RBPMS: variants seen among roughly 807,000 people sequenced by gnomAD.
RBPMS encodes RNA binding protein, mRNA processing factor.
A neutral mutation model predicts 26.8 loss-of-function variants in RBPMS; 7 were observed. The observed-to-expected ratio is 0.26, with a 90% CI of 0.15 to 0.49. The LOEUF (loss-of-function observed/expected upper bound fraction) is 0.49. RBPMS is among the 20% of genes least tolerant of loss of function. The pLI, the probability that RBPMS is intolerant of heterozygous loss-of-function variation, is 0.98. For synonymous variants in RBPMS, 96 were observed against 93.3 expected (o/e 1.03, Z -0.17); for missense variants, 186 against 250.0 (o/e 0.74, Z 1.73).
chr8:30,524,348 TTA>T (rs1823356400), intron 5 of RBPMS, among the ~76,000 whole-genome samples: 1 of 152,162 alleles, frequency 6.6e-6, no homozygotes, highest in African/African-American at 2.4e-5. Context: ...TGTATGAAGA[TTA>T]TACCAATGTA....
chr8:30,441,197 G>A lies in RBPMS; in HGVS notation c.67-33582G>A, dbSNP rs535514829. Among the ~76,000 whole-genome samples, 1,272 of 152,240 alleles carry A rather than the reference G, an allele frequency of 8.4e-3. 20 individuals carry two copies. The highest frequency in any genetic ancestry group is 0.029 in the African/African-American group (1,224 of 41,536). Reference sequence around the variant, plus strand: ...GATGAAATAACTTTGAGCACCTGGGGTTGGACAAATGTGAGATTTGTGTGC... The same window carrying A: ...GATGAAATAACTTTGAGCACCTGGGATTGGACAAATGTGAGATTTGTGTGC... On this transcript the variant is annotated intron_variant, in intron 1 of 8. Transcript: ENST00000397323.
chr8:30,553,131 G>C (rs1245060515), intron 6 of RBPMS: 1 of 152,244 alleles, frequency 6.6e-6, no homozygotes, highest in African/African-American at 2.4e-5. Context: ...AGGACTATTA[G>C]GTGCCAGACA....
chr8:30,439,778 AGTAG>A (rs1812866587), intron 1 of RBPMS, among the ~76,000 whole-genome samples: 1 of 151,922 alleles, frequency 6.6e-6, no homozygotes, highest in Admixed American at 6.6e-5. Flanking sequence ...CAGCTTCCTG[AGTAG>A]GTATGAATAT....
intron 1 of RBPMS, among the ~76,000 whole-genome samples, chr8:30,455,913 A>G (rs182661813): frequency 1.2e-3 from 188 of 152,290 alleles, no homozygotes; most frequent in African/African-American, 4.3e-3. Context: ...AAATAAATAA[A>G]TAAAAGACAA....
chr8:30,411,995 A>C (rs1482247619), intron 1 of RBPMS, among the ~76,000 whole-genome samples: 2 of 151,500 alleles, frequency 1.3e-5, no homozygotes, highest in African/African-American at 4.8e-5. Context: ...CAAAAAAAAA[A>C]AAAAAACAAA....
At chr8:30,529,984 A>G (rs1478966975) in intron 5 of RBPMS, among the ~76,000 whole-genome samples, 1 of 152,022 alleles carries the variant, frequency 6.6e-6, no homozygotes, top group Non-Finnish European at 1.5e-5. Flanking sequence ...CGAACTCCTG[A>G]CCTCAGGTAA....
At chr8:30,537,918 A>G (rs1457314292) in intron 5 of RBPMS, among the ~76,000 whole-genome samples, 3 of 152,232 alleles carry the variant, frequency 2.0e-5, no homozygotes, top group African/African-American at 4.8e-5. Context: ...TAAAAGGGAT[A>G]AAGGAAAGTA....
At chr8:30,417,346 T>C (rs754847222) in intron 1 of RBPMS, among the ~76,000 whole-genome samples, 16 of 152,216 alleles carry the variant, frequency 1.1e-4, no homozygotes, top group Non-Finnish European at 1.8e-4. Flanking sequence ...TGATTCACAG[T>C]GAACCTTCAC....
At position 30,385,085 on chromosome 8, in the gene RBPMS, C is replaced by T. The variant is rs1806850219; in HGVS notation, c.-8C>T. ...CCCTGCCCGGCCCGGCGAGGAAGGA[C>T]CGGGAAGATGAACAACGGCGGCAAA... On this transcript the variant is annotated 5_prime_UTR_variant, in exon 1 of 9. Coordinates refer to ENST00000397323, the MANE Select transcript of RBPMS (RefSeq NM_001008710.3). 2 of 1,516,768 alleles carry T rather than the reference C, an allele frequency of 1.3e-6. No homozygotes were observed. The highest frequency in any genetic ancestry group is 1.8e-6 in the Non-Finnish European group (2 of 1,132,858). The allele number at this position is 1,516,768 out of a possible 1,614,324, so 94.0% of individuals were successfully genotyped here. A position where few individuals can be genotyped will look rare whatever the true frequency, so the allele number is the denominator to read the frequency against.
At chr8:30,537,309 A>G (rs930320965) in intron 5 of RBPMS, among the ~76,000 whole-genome samples, 1 of 152,242 alleles carries the variant, frequency 6.6e-6, no homozygotes, top group Admixed American at 6.5e-5. Flanking sequence ...GCAGAAAATC[A>G]TTAAATGGAA....
intron 1 of RBPMS, among the ~76,000 whole-genome samples, chr8:30,452,819 T>C (rs13275869): frequency 0.46 from 70,261 of 152,016 alleles, 16,275 homozygotes; most frequent in Middle Eastern, 0.58. Context: ...ATGTGAGATA[T>C]GCTATTTGTC....
chr8:30,562,680 G>A (rs1201960912), intron 7 of RBPMS, among the ~76,000 whole-genome samples: 1 of 152,182 alleles, frequency 6.6e-6, no homozygotes, highest in African/African-American at 2.4e-5. Context: ...ACCAGAACAA[G>A]TCAAAAAGGC....
At chr8:30,515,505 T>A (rs767253782) in intron 5 of RBPMS, among the ~76,000 whole-genome samples, 1 of 152,200 alleles carries the variant, frequency 6.6e-6, no homozygotes, top group East Asian at 1.9e-4. Context: ...TATGTTACAA[T>A]AGATTTAATT....
In RBPMS at chr8:30,504,425, C is replaced by T. The variant is rs150837500; in HGVS notation, c.386C>T (p.Ala129Val). 1 of 1,613,962 alleles carries T rather than the reference C, an allele frequency of 6.2e-7. No homozygotes were observed. The highest frequency in any genetic ancestry group is 1.3e-5 in the African/African-American group (1 of 75,012). ...CCCAACACTGTACCTCAGTTCATTGCCAGAGAGCCATGTAAGTCGATCTAC... is the reference window on the plus strand; with the variant it reads ...CCCAACACTGTACCTCAGTTCATTGTCAGAGAGCCATGTAAGTCGATCTAC... The part of the protein sequence containing the change: ...PLPNTVPQFI[A>V]REPYELTVPA... The change falls in exon 5 of 9, where the codon GCC (alanine) becomes GTC (valine). Residue 129 changes from alanine (A) to valine (V), a missense_variant. By Grantham distance (64) the Ala-to-Val change is moderately conservative. Around this residue, in one of 3 missense-constraint regions of RBPMS, gnomAD observed 98 missense variants for 113.6 expected, o/e 0.86. Coordinates refer to ENST00000397323, the MANE Select transcript of RBPMS (RefSeq NM_001008710.3).
intron 1 of RBPMS, among the ~76,000 whole-genome samples, chr8:30,468,048 A>G (rs1023732474): frequency 1.3e-5 from 2 of 151,960 alleles, no homozygotes; most frequent in Non-Finnish European, 2.9e-5. Context: ...AAGTGGGAAT[A>G]TGGGCAGTTC....
At chr8:30,489,899 C>T (rs1819211230) in intron 4 of RBPMS, among the ~76,000 whole-genome samples, 2 of 152,064 alleles carry the variant, frequency 1.3e-5, no homozygotes, top group Non-Finnish European at 2.9e-5. Context: ...CAACCTCTGC[C>T]TCCCAGGTTC....
chr8:30,461,182 G>A (rs1423549604), intron 1 of RBPMS, among the ~76,000 whole-genome samples: 1 of 152,116 alleles, frequency 6.6e-6, no homozygotes, highest in Non-Finnish European at 1.5e-5. Flanking sequence ...CTTCATTGAT[G>A]TTGATATAAT....
chr8:30,452,969 T>TATCTC (rs1204508428), intron 1 of RBPMS, among the ~76,000 whole-genome samples: 2 of 152,230 alleles, frequency 1.3e-5, no homozygotes, highest in Non-Finnish European at 2.9e-5. Context: ...TCTTAACAGG[T>TATCTC]ATCTCATTCT....
chr8:30,498,333 C>T (rs1301243696), intron 4 of RBPMS, among the ~76,000 whole-genome samples: 1 of 152,054 alleles, frequency 6.6e-6, no homozygotes, highest in African/African-American at 2.4e-5. Context: ...ATTCTAGATC[C>T]TCAGCTTTTA....
Sources: allele counts gnomAD v4.1 joint callset (sites outside exome capture counted in the v4.1 genomes callset), GRCh38; gene constraint gnomAD v4.1.1; regional missense constraint gnomAD v4.1.1; transcripts MANE v1.5; gene names NCBI Gene and HGNC (gene_info 2026-07-23, HGNC 2026-07-21).